Variants in MYLK observed in about 807,000 individuals in gnomAD.
MYLK encodes myosin light chain kinase, smooth muscle.
In MYLK, 106 loss-of-function variants were observed where a neutral mutation model predicts 203.4. That is an observed-to-expected ratio of 0.52 (90% CI 0.45 to 0.61). The LOEUF (loss-of-function observed/expected upper bound fraction) is 0.61, where lower values mean the gene tolerates loss of function less well. Among genes scored for constraint, MYLK ranks in the 20% least tolerant of loss-of-function variants. The probability of loss-of-function intolerance (pLI) is 0.00; values close to 1 mark genes in which losing one functional copy is unlikely to be tolerated. For synonymous variants in MYLK, 867 were observed against 959.5 expected, an observed-to-expected ratio of 0.90 and a Z score of 1.78; for missense variants, 2,072 against 2,442.3, an observed-to-expected ratio of 0.85 and a Z score of 3.20.
chr3:123,862,940 C>A (rs1471460942), intron 2 of MYLK, among the ~76,000 whole-genome samples: 2 of 152,174 alleles, frequency 1.3e-5, no homozygotes, highest in African/African-American at 4.8e-5. Context: ...GGGCTTTACA[C>A]TGAGCTGCCT....
chr3:123,871,020 C>T (rs574325596), intron 2 of MYLK, among the ~76,000 whole-genome samples: 1 of 152,242 alleles, frequency 6.6e-6, no homozygotes, highest in East Asian at 1.9e-4. Context: ...CAGGCCACTG[C>T]TTCCCATGAA....
intron 20 of MYLK, among the ~76,000 whole-genome samples, chr3:123,678,944 C>A (rs2060164384): frequency 6.6e-6 from 1 of 152,124 alleles, no homozygotes; most frequent in African/African-American, 2.4e-5. Context: ...AGAATGTGTG[C>A]ATATATAATG....
At chr3:123,717,484 C>G (rs1207088921) in intron 13 of MYLK, among the ~76,000 whole-genome samples, 1 of 152,182 alleles carries the variant, frequency 6.6e-6, no homozygotes, top group Admixed American at 6.5e-5. Context: ...GCCCACTAGG[C>G]CTTCAGTTAA....
At chr3:123,807,077 T>C (rs952285294) in intron 3 of MYLK, among the ~76,000 whole-genome samples, 2 of 152,182 alleles carry the variant, frequency 1.3e-5, no homozygotes, top group African/African-American at 2.4e-5. Context: ...TGGAATCCAG[T>C]CCTTCTGAAC....
In MYLK at chr3:123,694,729, C is replaced by G. The variant is rs553219114; in HGVS notation, c.3449-1878G>C. On this transcript the variant is annotated intron_variant, in intron 18 of 33. Transcript: ENST00000360304. ...GGCATGTGGACCCGGCCCCTGCCTCCTCTCCCAGGGCAAGGCATGGGGCAG... is the reference window on the plus strand; with the variant it reads ...GGCATGTGGACCCGGCCCCTGCCTCGTCTCCCAGGGCAAGGCATGGGGCAG... Among the ~76,000 whole-genome samples, 15 of 152,372 alleles carry G rather than the reference C, an allele frequency of 9.8e-5. No homozygotes were observed. In the South Asian group the frequency reaches 3.1e-3, roughly 32 times the overall value.
rs2065041179 is a variant in MYLK, at chr3:123,797,753, T to A, written c.-3-3909A>T. Among the ~76,000 whole-genome samples, 3 of 152,190 alleles carry A rather than the reference T, an allele frequency of 2.0e-5. No homozygotes were observed. In the South Asian group the frequency reaches 6.2e-4, roughly 32 times the overall value. Reference sequence around the variant, plus strand: ...TTCTCTGTCAAATGGAATGATCATATCAGCCTCATAAAGTTGAAGGGAAGG... The same window carrying A: ...TTCTCTGTCAAATGGAATGATCATAACAGCCTCATAAAGTTGAAGGGAAGG... On this transcript the variant is annotated intron_variant, in intron 3 of 33. Coordinates refer to ENST00000360304, the MANE Select transcript of MYLK (RefSeq NM_053025.4).
intron 13 of MYLK, among the ~76,000 whole-genome samples, chr3:123,710,315 T>C (rs1328584870): frequency 7.4e-6 from 1 of 134,556 alleles, no homozygotes; most frequent in African/African-American, 2.8e-5. Context: ...TTGCCAGAAA[T>C]GATCTACGTG....
intron 3 of MYLK, among the ~76,000 whole-genome samples, chr3:123,814,434 C>A (rs2065672187): frequency 6.6e-6 from 1 of 152,184 alleles, no homozygotes; most frequent in South Asian, 2.1e-4. Context: ...CTTGTCTCAT[C>A]ATCTTTTGTC....
chr3:123,783,618 T>A (rs1254894881), intron 4 of MYLK, among the ~76,000 whole-genome samples: 1 of 151,868 alleles, frequency 6.6e-6, no homozygotes, highest in Admixed American at 6.7e-5. Flanking sequence ...TATACAGAAG[T>A]AATTCCTGTC....
chr3:123,657,724 T>C (rs1486270241), intron 23 of MYLK, among the ~76,000 whole-genome samples: 6 of 152,154 alleles, frequency 3.9e-5, no homozygotes, highest in Non-Finnish European at 8.8e-5. Context: ...GTCATAAACA[T>C]ATTTGTCAGA....
At chr3:123,773,363 T>C (rs919444971) in intron 4 of MYLK, among the ~76,000 whole-genome samples, 4 of 152,236 alleles carry the variant, frequency 2.6e-5, no homozygotes, top group African/African-American at 2.4e-5. Context: ...ACTTTCTGTA[T>C]GTCAAAACTT....
intron 21 of MYLK, 134 bp from the exon 22 acceptor site, chr3:123,666,480 C>A: frequency 1.6e-6 from 2 of 1,237,372 alleles, no homozygotes; most frequent in Non-Finnish European, 2.3e-6. Flanking sequence ...GACTGAGGGG[C>A]AGTGATCCTG....
intron 5 of MYLK, among the ~76,000 whole-genome samples, chr3:123,751,859 G>A (rs780856452): frequency 1.2e-4 from 19 of 152,162 alleles, no homozygotes; most frequent in East Asian, 3.9e-4. Context: ...TGAAAGGAGC[G>A]TCAGGTGAGA....
chr3:123,734,242 G>T lies in MYLK; in HGVS notation c.774-20C>A. The T allele has an allele frequency of 1.4e-6, 2 of 1,447,782 alleles. No individual in the cohort carries two copies. The highest frequency in any genetic ancestry group is 2.2e-5 in the Admixed American group (1 of 44,786). The allele number at this position is 1,447,782 out of a possible 1,614,324, so 89.7% of individuals were successfully genotyped here. ...AATGACCTGTGTGGTGGTGAGGGTGGGGGTAGGGTGGGTGAGGAGAGGGGA... is the reference window on the plus strand; with the variant it reads ...AATGACCTGTGTGGTGGTGAGGGTGTGGGTAGGGTGGGTGAGGAGAGGGGA... On this transcript the variant is annotated intron_variant, in intron 9 of 33. Transcript: ENST00000360304.
At chr3:123,841,947 GA>G (rs1467012037) in intron 2 of MYLK, among the ~76,000 whole-genome samples, 1 of 152,116 alleles carries the variant, frequency 6.6e-6, no homozygotes, top group African/African-American at 2.4e-5. Flanking sequence ...TGTTGTGGTA[GA>G]TTATCTCCCA....
intron 18 of MYLK, among the ~76,000 whole-genome samples, chr3:123,697,707 A>G (rs1576606711): frequency 6.6e-6 from 1 of 152,230 alleles, no homozygotes; most frequent in African/African-American, 2.4e-5. Flanking sequence ...AGTGTCTAAC[A>G]CATAGTGTTC....
intron 3 of MYLK, among the ~76,000 whole-genome samples, chr3:123,803,043 A>C (rs1188272107): frequency 6.6e-6 from 1 of 152,130 alleles, no homozygotes; most frequent in Non-Finnish European, 1.5e-5. Context: ...GCAGCCTCAC[A>C]ACCCTTAGCC....
chr3:123,728,897 C>T (rs527790319), intron 11 of MYLK, among the ~76,000 whole-genome samples: 2 of 152,284 alleles, frequency 1.3e-5, no homozygotes, highest in East Asian at 3.9e-4. Context: ...GGCCCTGTCT[C>T]CAGGATGTTT....
At chr3:123,843,698 C>G (rs148116548) in intron 2 of MYLK, among the ~76,000 whole-genome samples, 1 of 152,266 alleles carries the variant, frequency 6.6e-6, no homozygotes, top group African/African-American at 2.4e-5. Context: ...AAAACAAAAG[C>G]CCCACAGCAA....
Sources: allele counts gnomAD v4.1 joint callset (sites outside exome capture counted in the v4.1 genomes callset), GRCh38; gene constraint gnomAD v4.1.1; transcripts MANE v1.5; gene names NCBI Gene and HGNC (gene_info 2026-07-23, HGNC 2026-07-21).